The following FAM118A variants were observed in gnomAD, a reference collection of about 807,000 sequenced individuals.
FAM118A encodes protein FAM118A.
In FAM118A, 25 loss-of-function variants were observed where a neutral mutation model predicts 38.2. The observed-to-expected ratio is 0.65, with a 90% confidence interval of 0.48 to 0.91. FAM118A has a LOEUF of 0.91. FAM118A is among the 40% of genes least tolerant of loss of function. FAM118A has a pLI of 0.00. For synonymous variants in FAM118A, 178 were observed against 184.1 expected (o/e 0.97, Z 0.27); for missense variants, 425 against 463.3 (o/e 0.92, Z 0.76).
At chr22:45,324,814 A>G (rs1037076752) in intron 3 of FAM118A, among the ~76,000 whole-genome samples, 17 of 152,200 alleles carry the variant, frequency 1.1e-4, no homozygotes, top group Admixed American at 1.0e-3. Context: ...TGGGAGGCCG[A>G]GGCAGGCAGA....
chr22:45,311,858 G>T (rs1414552355), intron 1 of FAM118A, among the ~76,000 whole-genome samples: 1 of 152,114 alleles, frequency 6.6e-6, no homozygotes, highest in African/African-American at 2.4e-5. Context: ...GCTCTTTCCT[G>T]TCTGAGCCTG....
Position 45,332,490 on chromosome 22 carries a change from T to C in FAM118A, c.717T>C (p.Arg239=), listed in dbSNP as rs2085792649. The change falls in exon 6 of 9, where the codon CGT becomes CGC. Residue 239 remains arginine (R), a synonymous_variant. Transcript: ENST00000441876. ...TTGTGGGCTGTGGGGAGACCCTTCG[T>C]GATCAGATATTCCAGGCCCTCTTTC... ...FLFVGCGETL[R]DQIFQALFLY... is the part of the protein sequence containing the mutation. The C allele has an allele frequency of 1.9e-6, 3 of 1,614,118 alleles. No homozygotes were observed. In the East Asian group the frequency reaches 6.7e-5, roughly 36 times the overall value.
intron 8 of FAM118A, among the ~76,000 whole-genome samples, chr22:45,337,572 C>T (rs1345484350): frequency 6.6e-6 from 1 of 152,068 alleles, no homozygotes; most frequent in Non-Finnish European, 1.5e-5. Flanking sequence ...GTATGCACTC[C>T]CTCAGCTTTC....
intron 5 of FAM118A, among the ~76,000 whole-genome samples, chr22:45,331,557 C>T (rs1385817123): frequency 6.6e-6 from 1 of 151,982 alleles, no homozygotes; most frequent in African/African-American, 2.4e-5. Flanking sequence ...CTTCCTGATG[C>T]CCTAGAATGC....
rs531592164 is a variant in FAM118A at position 45,325,472 on chromosome 22, G to A, written c.300+2045G>A. Among the ~76,000 whole-genome samples the A allele has an allele frequency of 1.6e-4, 24 of 152,318 alleles. 1 individual carries two copies. In the South Asian group the frequency reaches 4.1e-3, roughly 26 times the overall value. On this transcript the variant is annotated intron_variant, in intron 3 of 8. Coordinates refer to ENST00000441876, the MANE Select transcript of FAM118A (RefSeq NM_017911.4). ...GTAGACTCTAAGCTGCTTGATGGAA[G>A]AAGGCAGGACAGGACAGCAGGGCAG...
chr22:45,337,530 C>G (rs899419251), intron 8 of FAM118A, among the ~76,000 whole-genome samples: 6 of 152,068 alleles, frequency 3.9e-5, no homozygotes, highest in Admixed American at 3.9e-4. Flanking sequence ...CCTTTGTGTT[C>G]CAAAAACTAA....
chr22:45,311,596 C>T (rs924371452), intron 1 of FAM118A, among the ~76,000 whole-genome samples: 4 of 152,016 alleles, frequency 2.6e-5, no homozygotes, highest in Admixed American at 6.6e-5. Flanking sequence ...CAAAGCATGC[C>T]CAGTTTAAGC....
rs1601957392 is a variant in FAM118A at position 45,330,515 on chromosome 22, A to C, written c.523-88A>C. ...ATGATTCTTTCCAAGATAGGTTTAA[A>C]AACTATGAATCCATTTTCAGTATTT... On this transcript the variant is annotated intron_variant, in intron 4 of 8. Transcript: ENST00000441876. 9.5e-6 allele frequency: 13 copies of C among 1,370,160 alleles called. No homozygotes were observed. In the East Asian group the frequency reaches 2.6e-4, roughly 27 times the overall value. 84.9% of individuals were successfully genotyped at this position (1,370,160 alleles called of 1,614,324 possible).
At chr22:45,323,076 T>TGA in intron 2 of FAM118A, 99 bp from the exon 3 acceptor site, 34 of 1,282,142 alleles carry the variant, frequency 2.7e-5, no homozygotes, top group Non-Finnish European at 3.6e-5. Context: ...TGTGTGTGTG[T>TGA]ACACAGCACA....
chr22:45,322,322 A>T, intron 1 of FAM118A, 49 bp from the exon 2 acceptor site: 1 of 1,591,074 alleles, frequency 6.3e-7, no homozygotes, highest in Non-Finnish European at 8.6e-7. Context: ...GCAAATAAAA[A>T]CTTTTACCTG....
intron 6 of FAM118A, among the ~76,000 whole-genome samples, chr22:45,333,261 C>T (rs1210445229): frequency 6.6e-6 from 1 of 152,194 alleles, no homozygotes; most frequent in African/African-American, 2.4e-5. Flanking sequence ...CACCGTGGCT[C>T]ACGCCTGTCA....
intron 6 of FAM118A, 141 bp from the exon 7 acceptor site, chr22:45,335,209 A>C: frequency 1.2e-6 from 1 of 800,486 alleles, no homozygotes; most frequent in Non-Finnish European, 2.1e-6. Flanking sequence ...CGAGCAGCGC[A>C]GGAGTCCGCA....
intron 3 of FAM118A, among the ~76,000 whole-genome samples, chr22:45,326,755 G>A (rs1323710190): frequency 6.6e-6 from 1 of 150,926 alleles, no homozygotes; most frequent in Non-Finnish European, 1.5e-5. Flanking sequence ...TGAACCAGGA[G>A]GGGAGGTTGC....
At chr22:45,335,759 G>A (rs1391076335) in intron 7 of FAM118A, among the ~76,000 whole-genome samples, 1 of 152,248 alleles carries the variant, frequency 6.6e-6, no homozygotes, top group Non-Finnish European at 1.5e-5. Flanking sequence ...ACGGGTCTGA[G>A]CTTGCACACA....
chr22:45,309,130 A>T (rs1476269211), upstream of FAM118A: 1 of 152,294 alleles, frequency 6.6e-6, no homozygotes. Context: ...TGCGACAGGG[A>T]TGCGCGAGGA....
At chr22:45,322,483 C>G in intron 2 of FAM118A, 57 bp downstream of exon 2, 1 of 1,440,734 alleles carries the variant, frequency 6.9e-7, no homozygotes, top group Admixed American at 2.0e-5. Context: ...TAGCGTCTCT[C>G]GTGAGTGTGC....
intron 1 of FAM118A, among the ~76,000 whole-genome samples, chr22:45,315,775 G>C (rs532977162): frequency 2.1e-4 from 32 of 152,246 alleles, no homozygotes; most frequent in South Asian, 8.3e-4. Context: ...GCTGGGGAAA[G>C]GGTGGTGTTT....
At chr22:45,316,279 A>G (rs1198217532) in intron 1 of FAM118A, among the ~76,000 whole-genome samples, 1 of 152,134 alleles carries the variant, frequency 6.6e-6, no homozygotes, top group African/African-American at 2.4e-5. Flanking sequence ...ACTTTAGGTG[A>G]TCCGGCCGCC....
intron 1 of FAM118A, chr22:45,318,319 G>A (rs149424443): frequency 3.3e-4 from 50 of 152,302 alleles, no homozygotes; most frequent in African/African-American, 1.2e-3. Flanking sequence ...AAAAAGAAGG[G>A]TTGCTATGAT....
Sources: gnomAD v4.1 joint callset for allele counts (sites outside exome capture counted in the v4.1 genomes callset) on GRCh38, gnomAD v4.1.1 for gene constraint, MANE v1.5 for transcripts, NCBI Gene and HGNC (gene_info 2026-07-23, HGNC 2026-07-21) for gene names.